AP1G1: variants seen among roughly 807,000 people sequenced by gnomAD.
AP1G1 encodes the protein AP-1 complex subunit gamma-1.
Under a neutral mutation model 108.3 loss-of-function variants are expected in AP1G1, and 7 were observed. That is an observed-to-expected ratio of 0.06 (90% CI 0.04 to 0.12). The LOEUF (loss-of-function observed/expected upper bound fraction) is 0.12, where lower values mean the gene tolerates loss of function less well. Among genes scored for constraint, AP1G1 ranks in the 10% least tolerant of loss-of-function variants. AP1G1 has a pLI of 1.00. For synonymous variants in AP1G1, 379 were observed against 353.5 expected (o/e 1.07, Z -0.81); for missense variants, 756 against 1,010.7 (o/e 0.75, Z 3.42).
chr16:71,807,341 A>G (rs2142295657), intron 1 of AP1G1, among the ~76,000 whole-genome samples: 1 of 152,364 alleles, frequency 6.6e-6, no homozygotes, highest in South Asian at 2.1e-4. Context: ...CTGAGGCAGG[A>G]GAACTGCTTG....
intron 1 of AP1G1, among the ~76,000 whole-genome samples, chr16:71,794,106 CATG>C (rs750327195): frequency 2.0e-5 from 3 of 152,144 alleles, no homozygotes; most frequent in Non-Finnish European, 4.4e-5. Flanking sequence ...AGGGAAAAAA[CATG>C]AATACAAAAT....
chr16:71,745,697 C>A (rs2030137623), intron 17 of AP1G1, 83 bp from the exon 18 acceptor site: 1 of 1,192,192 alleles, frequency 8.4e-7, no homozygotes, highest in Admixed American at 1.7e-5. Flanking sequence ...TATGTTGAGC[C>A]CAAGCATGGA....
intron 11 of AP1G1, among the ~76,000 whole-genome samples, chr16:71,757,748 T>C (rs1428427036): frequency 1.3e-5 from 2 of 152,274 alleles, no homozygotes; most frequent in East Asian, 3.9e-4. Context: ...ATATATCCTT[T>C]CAAAGAGACA....
intron 6 of AP1G1, among the ~76,000 whole-genome samples, chr16:71,766,991 A>C (rs947058717): frequency 1.7e-4 from 26 of 152,182 alleles, no homozygotes; most frequent in African/African-American, 5.3e-4. Context: ...ACTTTAAATC[A>C]ATATTTTTGT....
intron 6 of AP1G1, among the ~76,000 whole-genome samples, chr16:71,768,090 C>A (rs74475762): frequency 6.6e-6 from 1 of 150,442 alleles, no homozygotes; most frequent in Non-Finnish European, 1.5e-5. Flanking sequence ...TGACCAGCAT[C>A]CTATAAAAGA....
chr16:71,769,940 T>A (rs1354023551), intron 5 of AP1G1, among the ~76,000 whole-genome samples: 2 of 152,228 alleles, frequency 1.3e-5, no homozygotes, highest in African/African-American at 4.8e-5. Context: ...AAAATAATTA[T>A]GAAAAAGTGA....
intron 11 of AP1G1, chr16:71,756,369 A>G: frequency 2.3e-6 from 1 of 443,438 alleles, no homozygotes; most frequent in South Asian, 5.2e-5. Context: ...TCTTCATGCA[A>G]TATTCTTCTT....
At chr16:71,751,914 A>C (rs4788554) in intron 13 of AP1G1, among the ~76,000 whole-genome samples, 43,746 of 152,122 alleles carry the variant, frequency 0.29, 8,223 homozygotes, top group East Asian at 0.76. Flanking sequence ...CATACTTCTA[A>C]ATAACACATG....
intron 1 of AP1G1, among the ~76,000 whole-genome samples, chr16:71,803,190 G>A (rs1456513325): frequency 6.6e-6 from 1 of 151,680 alleles, no homozygotes; most frequent in Non-Finnish European, 1.5e-5. Context: ...CTCCAGCCTG[G>A]GTGACAGAGT....
At chr16:71,756,644 T>C (rs897412049) in intron 11 of AP1G1, among the ~76,000 whole-genome samples, 1 of 152,140 alleles carries the variant, frequency 6.6e-6, no homozygotes, top group Non-Finnish European at 1.5e-5. Context: ...AAAATTCAAA[T>C]TAAAAACAAA....
chr16:71,804,977 C>T (rs557641214), intron 1 of AP1G1, among the ~76,000 whole-genome samples: 1 of 152,256 alleles, frequency 6.6e-6, no homozygotes, highest in Non-Finnish European at 1.5e-5. Flanking sequence ...CACCACTGCA[C>T]TCCAGCCTGG....
rs2045469545 is a variant in AP1G1, at chr16:71,730,907, A to C, written c.*2151T>G. 1 of 152,438 alleles carries C rather than the reference A, an allele frequency of 6.6e-6. No homozygotes were observed. The highest frequency in any genetic ancestry group is 2.4e-5 in the African/African-American group (1 of 41,460). 9.4% of individuals were successfully genotyped at this position (152,438 alleles called of 1,614,324 possible). A position where few individuals can be genotyped will look rare whatever the true frequency, so the allele number is the denominator to read the frequency against. ...GCTCCATTAGCTGACAGTGTCTTAT[A>C]GCATGGTCTTGAACAGATTTCTTCA... On this transcript the variant is annotated 3_prime_UTR_variant, in exon 23 of 23. Transcript: ENST00000299980.
chr16:71,769,548 A>C, intron 6 of AP1G1, 75 bp downstream of exon 6: 1 of 1,396,042 alleles, frequency 7.2e-7, no homozygotes, highest in East Asian at 2.3e-5. Context: ...AAAAAAAATA[A>C]GAAGAAAATC....
chr16:71,732,983 T>C lies in AP1G1; in HGVS notation c.*75A>G. ...TGCCCGTGGTACAGTTGGGGGGGAC[T>C]TGCCAGCAATCACAACCTCCTTCCC... On this transcript the variant is annotated 3_prime_UTR_variant, in exon 23 of 23. Transcript: ENST00000299980. 8.2e-7 allele frequency: 1 copy of C among 1,224,292 alleles called. No individual in the cohort carries two copies. Among genetic ancestry groups the C allele is most frequent in the South Asian group, 1.3e-5 (1 of 75,656 alleles). 75.8% of individuals were successfully genotyped at this position (1,224,292 alleles called of 1,614,324 possible).
chr16:71,807,394 T>A (rs2033031826), intron 1 of AP1G1, among the ~76,000 whole-genome samples: 1 of 152,214 alleles, frequency 6.6e-6, no homozygotes. Context: ...ACCGTGCCAC[T>A]GCACTCCAGC....
chr16:71,789,226 G>T, intron 2 of AP1G1, 53 bp downstream of exon 2: 1 of 1,508,314 alleles, frequency 6.6e-7, no homozygotes, highest in Non-Finnish European at 9.1e-7. Flanking sequence ...GACAATCCCT[G>T]AGCAACAATG....
chr16:71,773,129 T>A, intron 4 of AP1G1, 92 bp downstream of exon 4: 8 of 1,401,086 alleles, frequency 5.7e-6, no homozygotes, highest in Non-Finnish European at 8.0e-6. Flanking sequence ...TGACTTTACA[T>A]TATCATCAGA....
chr16:71,785,914 TA>T (rs2032188061), intron 2 of AP1G1, among the ~76,000 whole-genome samples: 1 of 152,014 alleles, frequency 6.6e-6, no homozygotes, highest in African/African-American at 2.4e-5. Flanking sequence ...TATTATACAC[TA>T]AATGAAAATG....
rs569219544 is a variant in AP1G1, at chr16:71,772,272, C to T, written c.468+949G>A. On this transcript the variant is annotated intron_variant, in intron 4 of 22. Coordinates refer to ENST00000299980, the MANE Select transcript of AP1G1 (RefSeq NM_001128.6). ...CAGCCTCCAGGTGAGGGACTACAGG[C>T]GCCCGCCACCACGCCCGGCTAATTT... 4.6e-5 allele frequency among the ~76,000 whole-genome samples: 7 copies of T among 152,134 alleles called. No individual in the cohort carries two copies. The South Asian group carries it at 6.2e-4, about 14-fold the overall frequency.
Sources: gnomAD v4.1 joint callset for allele counts (sites outside exome capture counted in the v4.1 genomes callset) on GRCh38, gnomAD v4.1.1 for gene constraint, MANE v1.5 for transcripts, NCBI Gene and HGNC (gene_info 2026-07-23, HGNC 2026-07-21) for gene names.